Variants in ARMH3 observed in about 807,000 individuals in gnomAD.
The protein encoded by ARMH3 is armadillo-like helical domain-containing protein 3.
A neutral mutation model predicts 99.1 loss-of-function variants in ARMH3; 60 were observed. The ratio of observed to expected loss-of-function variants is 0.61; its 90% confidence interval spans 0.49 to 0.75. The LOEUF is 0.75. Among genes scored for constraint, ARMH3 ranks in the 30% least tolerant of loss-of-function variants. ARMH3 has a pLI of 0.00. For missense variants in ARMH3, 679 were observed against 843.1 expected (o/e 0.81, Z 2.41); for synonymous variants, 285 against 292.8 (o/e 0.97, Z 0.27).
Position 101,932,614 on chromosome 10 carries a change from C to A in ARMH3, c.1781+7249G>T, listed in dbSNP as rs560968013. Among the ~76,000 whole-genome samples the A allele has an allele frequency of 6.6e-5, 10 of 152,316 alleles. No homozygotes were observed. In the South Asian group the frequency reaches 1.9e-3, roughly 28 times the overall value. ...GGAAATTCTGCTACATGCTACAACA[C>A]GGACGAACCTTGAGAATATTATATT... On this transcript the variant is annotated intron_variant, in intron 23 of 25. Coordinates refer to ENST00000370033, the MANE Select transcript of ARMH3 (RefSeq NM_024541.3).
At chr10:101,928,017 T>C (rs1376080241) in intron 23 of ARMH3, among the ~76,000 whole-genome samples, 2 of 152,326 alleles carry the variant, frequency 1.3e-5, no homozygotes, top group East Asian at 1.9e-4. Context: ...GAGGTCGCAG[T>C]GAGCCAAGAC....
intron 4 of ARMH3, 137 bp from the exon 5 acceptor site, chr10:102,029,882 G>T: frequency 4.5e-6 from 4 of 890,734 alleles, no homozygotes; most frequent in East Asian, 2.7e-5. Context: ...AACACAGTCT[G>T]AGTTTTTTTG....
At chr10:101,881,297 T>C (rs768532040) in intron 24 of ARMH3, among the ~76,000 whole-genome samples, 7 of 152,110 alleles carry the variant, frequency 4.6e-5, no homozygotes, top group Non-Finnish European at 8.8e-5. Flanking sequence ...TTTCTAAATT[T>C]ATATGTAGAG....
chr10:101,963,827 C>T (rs1845414823), intron 20 of ARMH3, among the ~76,000 whole-genome samples: 1 of 150,666 alleles, frequency 6.6e-6, no homozygotes, highest in Non-Finnish European at 1.5e-5. Context: ...TACTGACCTA[C>T]TTATTTTATG....
intron 23 of ARMH3, among the ~76,000 whole-genome samples, chr10:101,935,174 A>ATATATATATATATATATAT (rs1843902399): frequency 3.6e-4 from 42 of 117,152 alleles, no homozygotes; most frequent in African/African-American, 1.2e-3. Flanking sequence ...AAGGTGGAGC[A>ATATATATATATATATATAT]ATATATATAT....
chr10:102,035,424 T>G (rs1422466529), intron 2 of ARMH3, among the ~76,000 whole-genome samples: 1 of 152,054 alleles, frequency 6.6e-6, no homozygotes, highest in Non-Finnish European at 1.5e-5. Flanking sequence ...TCCCTCTCCC[T>G]CTCTTTCCAC....
At chr10:101,958,367 G>C (rs988667209) in intron 20 of ARMH3, among the ~76,000 whole-genome samples, 1 of 152,222 alleles carries the variant, frequency 6.6e-6, no homozygotes, top group Non-Finnish European at 1.5e-5. Context: ...TTCTTAGCGA[G>C]GGGAGAGATT....
At chr10:102,014,074 G>C in intron 8 of ARMH3, 50 bp from the exon 9 acceptor site, 2 of 1,428,582 alleles carry the variant, frequency 1.4e-6, no homozygotes, top group Non-Finnish European at 1.9e-6. Context: ...AGTTAAGAAA[G>C]CCCGTTAGCT....
intron 23 of ARMH3, among the ~76,000 whole-genome samples, chr10:101,907,251 AT>A (rs58452335): frequency 6.6e-6 from 1 of 152,108 alleles, no homozygotes; most frequent in African/African-American, 2.4e-5. Context: ...ATGGAAAGGT[AT>A]TTTTTAAGCA....
chr10:102,019,785 G>T (rs532040083), intron 8 of ARMH3, among the ~76,000 whole-genome samples: 8 of 151,784 alleles, frequency 5.3e-5, no homozygotes, highest in Non-Finnish European at 1.2e-4. Context: ...AAAATTAGCC[G>T]GGCGTGGTGG....
At chr10:102,000,941 C>T (rs916747166) in intron 15 of ARMH3, among the ~76,000 whole-genome samples, 6 of 151,922 alleles carry the variant, frequency 3.9e-5, no homozygotes, top group Non-Finnish European at 8.8e-5. Context: ...ATCAGCCTCT[C>T]GAGTAGCTGG....
At chr10:101,904,337 C>T (rs2068050906) in intron 23 of ARMH3, among the ~76,000 whole-genome samples, 1 of 152,142 alleles carries the variant, frequency 6.6e-6, no homozygotes, top group Non-Finnish European at 1.5e-5. Context: ...CCCCAGAACA[C>T]ACACACATTC....
chr10:101,955,491 T>C (rs931612002), intron 22 of ARMH3, among the ~76,000 whole-genome samples: 1 of 152,180 alleles, frequency 6.6e-6, no homozygotes, highest in Non-Finnish European at 1.5e-5. Context: ...TCTTAAAAGT[T>C]TTCCTTCACT....
chr10:101,957,934 A>G, intron 20 of ARMH3, among the ~76,000 whole-genome samples: 1 of 152,192 alleles, frequency 6.6e-6, no homozygotes, highest in Admixed American at 6.5e-5. Context: ...TTATCTGTTC[A>G]TGGAAGGTTT....
At chr10:101,966,821 C>G (rs976699151) in intron 20 of ARMH3, among the ~76,000 whole-genome samples, 4 of 152,142 alleles carry the variant, frequency 2.6e-5, no homozygotes, top group Non-Finnish European at 4.4e-5. Flanking sequence ...ACCTGTCCCC[C>G]ACATTAAGGT....
At chr10:101,996,746 C>A (rs970379333) in intron 15 of ARMH3, among the ~76,000 whole-genome samples, 1 of 152,086 alleles carries the variant, frequency 6.6e-6, no homozygotes, top group Non-Finnish European at 1.5e-5. Flanking sequence ...TCTAAAAAAG[C>A]ATATACACAC....
Position 101,951,892 on chromosome 10 carries a change from AAAGG to A in ARMH3, c.1705+4701_1705+4704del, listed in dbSNP as rs992189947. Among the ~76,000 whole-genome samples, 39 of 142,612 alleles carry A rather than the reference AAAGG, an allele frequency of 2.7e-4. No homozygotes were observed. In the East Asian group the frequency reaches 5.7e-3, roughly 21 times the overall value. 93.6% of individuals were successfully genotyped at this position (142,612 alleles called of 152,430 possible). A position where few individuals can be genotyped will look rare whatever the true frequency, so the allele number is the denominator to read the frequency against. ...CAAAAAAAAAAAAAAGAAGAAGAAG[AAAGG>A]AAGGAAGGGAGGGAGGGAAGGAGGG... On this transcript the variant is annotated intron_variant, in intron 22 of 25. Coordinates refer to ENST00000370033, the MANE Select transcript of ARMH3 (RefSeq NM_024541.3).
chr10:101,972,770 G>A (rs533372903), intron 20 of ARMH3, among the ~76,000 whole-genome samples: 8 of 152,292 alleles, frequency 5.3e-5, no homozygotes, highest in East Asian at 1.9e-4. Flanking sequence ...AGGAGCTAAC[G>A]TCAACTTAGC....
At chr10:101,958,090 G>A (rs2135816442) in intron 20 of ARMH3, among the ~76,000 whole-genome samples, 1 of 152,278 alleles carries the variant, frequency 6.6e-6, no homozygotes, top group East Asian at 1.9e-4. Flanking sequence ...GAAAATGAGG[G>A]TCCCCCTTCC....
Sources: gnomAD v4.1 joint callset for allele counts (sites outside exome capture counted in the v4.1 genomes callset) on GRCh38, gnomAD v4.1.1 for gene constraint, MANE v1.5 for transcripts, NCBI Gene and HGNC (gene_info 2026-07-23, HGNC 2026-07-21) for gene names.